Variants in ATP8A2 observed in about 807,000 individuals in gnomAD.
ATP8A2 encodes phospholipid-transporting ATPase IB.
Under a neutral mutation model 165.6 loss-of-function variants are expected in ATP8A2, and 100 were observed. The observed-to-expected ratio is 0.60, with a 90% CI of 0.51 to 0.71. The LOEUF (loss-of-function observed/expected upper bound fraction) is 0.71. Ranked by LOEUF, ATP8A2 falls within the 30% of genes least tolerant of loss-of-function variation. The pLI, the probability that ATP8A2 is intolerant of heterozygous loss-of-function variation, is 0.00. For synonymous variants in ATP8A2, 543 were observed against 548.8 expected (o/e 0.99, Z 0.15); for missense variants, 1,227 against 1,479.5 (o/e 0.83, Z 2.80).
intron 24 of ATP8A2, among the ~76,000 whole-genome samples, chr13:25,590,568 A>G (rs1202247654): frequency 6.6e-6 from 1 of 152,220 alleles, no homozygotes; most frequent in African/African-American, 2.4e-5. Flanking sequence ...GAGGGTCACC[A>G]GCAACCTGTG....
chr13:25,861,058 A>G (rs1270321510), intron 32 of ATP8A2, among the ~76,000 whole-genome samples, 198 bp downstream of exon 32: 1 of 152,222 alleles, frequency 6.6e-6, no homozygotes, highest in Non-Finnish European at 1.5e-5. Flanking sequence ...TTGGCACGTA[A>G]TACAGCTCTA....
At chr13:25,458,815 A>G (rs915923267) in intron 1 of ATP8A2, among the ~76,000 whole-genome samples, 3 of 152,180 alleles carry the variant, frequency 2.0e-5, no homozygotes, top group Non-Finnish European at 2.9e-5. Flanking sequence ...TGTGCTTCCC[A>G]TGTGGTCTGG....
At chr13:25,665,116 G>A (rs1294726431) in intron 24 of ATP8A2, among the ~76,000 whole-genome samples, 3 of 152,146 alleles carry the variant, frequency 2.0e-5, no homozygotes, top group East Asian at 3.9e-4. Flanking sequence ...CAGAGTCCCC[G>A]GTAGGCGGAG....
chr13:25,788,761 C>G (rs1486187374), intron 27 of ATP8A2, among the ~76,000 whole-genome samples: 1 of 152,180 alleles, frequency 6.6e-6, no homozygotes, highest in Non-Finnish European at 1.5e-5. Flanking sequence ...GGGCTTGCTT[C>G]CTGTTTGTGC....
intron 25 of ATP8A2, among the ~76,000 whole-genome samples, chr13:25,731,582 A>G (rs564142763): frequency 1.3e-5 from 2 of 152,312 alleles, no homozygotes; most frequent in East Asian, 3.9e-4. Flanking sequence ...TTTCTGGGTA[A>G]GGGTACTAAA....
chr13:25,693,905 G>A (rs2042781669), intron 24 of ATP8A2, among the ~76,000 whole-genome samples: 1 of 150,548 alleles, frequency 6.6e-6, no homozygotes, highest in Non-Finnish European at 1.5e-5. Flanking sequence ...TTGCTCTGTT[G>A]CCCATTTGGA....
chr13:25,723,210 G>T (rs1038285961), intron 25 of ATP8A2, among the ~76,000 whole-genome samples: 7 of 152,194 alleles, frequency 4.6e-5, no homozygotes, highest in Admixed American at 1.3e-4. Context: ...TAGTAGTGGG[G>T]AGTGGGCATT....
chr13:25,474,133 T>G (rs2035925085), intron 2 of ATP8A2, among the ~76,000 whole-genome samples: 1 of 152,226 alleles, frequency 6.6e-6, no homozygotes, highest in African/African-American at 2.4e-5. Flanking sequence ...TAGCAAAAAC[T>G]TCATTACAGT....
At chr13:25,743,167 C>T (rs2043953606) in intron 25 of ATP8A2, among the ~76,000 whole-genome samples, 1 of 151,948 alleles carries the variant, frequency 6.6e-6, no homozygotes, top group Non-Finnish European at 1.5e-5. Context: ...AATTTGGACA[C>T]AGGCACACAG....
intron 2 of ATP8A2, among the ~76,000 whole-genome samples, chr13:25,502,692 C>A (rs1182850893): frequency 7.2e-5 from 11 of 152,198 alleles, no homozygotes; most frequent in African/African-American, 2.2e-4. Context: ...CTGACGAATT[C>A]ACTCCTACTT....
chr13:25,620,423 G>A (rs570667298), intron 24 of ATP8A2, among the ~76,000 whole-genome samples: 4 of 152,248 alleles, frequency 2.6e-5, no homozygotes, highest in South Asian at 4.1e-4. Flanking sequence ...AGAGCTGAGA[G>A]TTTGCTACCA....
At chr13:25,528,933 C>CA (rs982650389) in intron 2 of ATP8A2, among the ~76,000 whole-genome samples, 28 of 152,052 alleles carry the variant, frequency 1.8e-4, no homozygotes, top group African/African-American at 6.8e-4. Flanking sequence ...CCCATTAACT[C>CA]ATCATTTATA....
chr13:25,372,872 C>A lies in ATP8A2; in HGVS notation c.76+584C>A, dbSNP rs958755818. ...ATCTGGAGACGAACACACACACGCACACGCGCGCGCACACACACACACAGG... is the reference window on the plus strand; with the variant it reads ...ATCTGGAGACGAACACACACACGCAAACGCGCGCGCACACACACACACAGG... On this transcript the variant is annotated intron_variant, in intron 1 of 36. Transcript: ENST00000381655. This position sits in a 1 kb window ranked among gnomAD's most constrained non-coding sequence, Gnocchi z 4.8. Among the ~76,000 whole-genome samples the A allele has an allele frequency of 6.6e-6, 1 of 152,078 alleles. No individual in the cohort carries two copies. Among genetic ancestry groups the A allele is most frequent in the Non-Finnish European group, 1.5e-5 (1 of 68,012 alleles).
At chr13:25,564,256 A>C (rs955539691) in intron 16 of ATP8A2, among the ~76,000 whole-genome samples, 3 of 152,202 alleles carry the variant, frequency 2.0e-5, no homozygotes, top group Admixed American at 6.5e-5. Context: ...GTAGCACACC[A>C]AGATCAAGAC....
Position 25,563,104 on chromosome 13 carries a change from G to C in ATP8A2, c.1398-852G>C, listed in dbSNP as rs150431793. ...TGTCTTCTTTCATTGTCTTTGTCTTGACAACGTTGAAGTTTCAAGAGGAGG... is the reference window on the plus strand; with the variant it reads ...TGTCTTCTTTCATTGTCTTTGTCTTCACAACGTTGAAGTTTCAAGAGGAGG... On this transcript the variant is annotated intron_variant, in intron 15 of 36. Transcript: ENST00000381655. Among the ~76,000 whole-genome samples the C allele has an allele frequency of 2.6e-5, 4 of 152,278 alleles. No individual in the cohort carries two copies. The East Asian group carries it at 7.7e-4, about 29-fold the overall frequency.
chr13:25,673,849 G>A (rs2042316029), intron 24 of ATP8A2, among the ~76,000 whole-genome samples: 1 of 152,192 alleles, frequency 6.6e-6, no homozygotes, highest in Admixed American at 6.5e-5. Context: ...TCTGCACAGG[G>A]AAAGGAGGGG....
intron 25 of ATP8A2, among the ~76,000 whole-genome samples, chr13:25,721,048 T>G (rs999840110): frequency 1.1e-4 from 16 of 149,296 alleles, no homozygotes; most frequent in African/African-American, 3.4e-4. Context: ...CTCGAACTCC[T>G]AGGCTCAAGT....
At chr13:25,969,923 T>A (rs1955875165) in intron 35 of ATP8A2, among the ~76,000 whole-genome samples, 1 of 152,102 alleles carries the variant, frequency 6.6e-6, no homozygotes, top group African/African-American at 2.4e-5. Context: ...GTTCTATCCA[T>A]CAGACAGCTG....
intron 10 of ATP8A2, among the ~76,000 whole-genome samples, chr13:25,550,054 C>T (rs1180052392): frequency 6.6e-6 from 1 of 152,164 alleles, no homozygotes. Context: ...CCTGTAATCC[C>T]AGCACTTGGG....
Sources: gnomAD v4.1 joint callset for allele counts (sites outside exome capture counted in the v4.1 genomes callset) on GRCh38, gnomAD v4.1.1 for gene constraint, Gnocchi (gnomAD v3.1) non-coding constraint, MANE v1.5 for transcripts, NCBI Gene and HGNC (gene_info 2026-07-23, HGNC 2026-07-21) for gene names.